DBH: variants seen among roughly 807,000 people sequenced by gnomAD.
DBH encodes dopamine beta-hydroxylase (dopamine beta-monooxygenase).
A neutral mutation model predicts 64.0 loss-of-function variants in DBH; 49 were observed. That is an observed-to-expected ratio of 0.77 (90% CI 0.61 to 0.97). The LOEUF is 0.97. DBH is among the 50% of genes least tolerant of loss of function. The pLI, the probability that DBH is intolerant of heterozygous loss-of-function variation, is 0.00. For missense variants in DBH, 828 were observed against 826.6 expected (o/e 1.00, Z -0.02); for synonymous variants, 343 against 347.1 (o/e 0.99, Z 0.13).
chr9:133,637,958 G>A (rs1317677045), intron 1 of DBH, among the ~76,000 whole-genome samples: 3 of 152,260 alleles, frequency 2.0e-5, no homozygotes, highest in Non-Finnish European at 4.4e-5. Flanking sequence ...GCCGTCAGCC[G>A]TCTGGAGGAG....
At chr9:133,655,725 C>T (rs1476593960) in intron 9 of DBH, 4 of 152,324 alleles carry the variant, frequency 2.6e-5, no homozygotes, top group South Asian at 2.1e-4. Flanking sequence ...CAAGGGTGGC[C>T]AGGGCGTCAT....
At chr9:133,644,591 T>C in intron 5 of DBH, among the ~76,000 whole-genome samples, 1 of 152,366 alleles carries the variant, frequency 6.6e-6, no homozygotes, top group Non-Finnish European at 1.5e-5. Flanking sequence ...TAATACGGGC[T>C]GCCATCGGCG....
At chr9:133,641,707 C>A (rs572298097) in intron 2 of DBH, among the ~76,000 whole-genome samples, 2 of 152,184 alleles carry the variant, frequency 1.3e-5, no homozygotes, top group Non-Finnish European at 2.9e-5. Context: ...CTGCTTGGTC[C>A]CCTCCTGCCA....
rs150202872 is a variant in DBH at position 133,657,153 on chromosome 9, G to T, written c.1646G>T (p.Arg549Leu). The change falls in exon 11 of 12, where the codon CGC becomes CTC. Residue 549 changes from arginine (R) to leucine (L), a missense_variant. Physicochemically the swap from Arg to Leu is moderately radical, Grantham distance 102. Transcript: ENST00000393056. ...FTSVPWNSFN[R>L]DVLKALYSFA... ...TCTGTTCCCTGGAACTCCTTCAACCGCGACGTACTGAAGGCCCTGTACAGC... is the reference window on the plus strand; with the variant it reads ...TCTGTTCCCTGGAACTCCTTCAACCTCGACGTACTGAAGGCCCTGTACAGC... 1.2e-5 allele frequency: 20 copies of T among 1,613,954 alleles called. No homozygotes were observed. In the African/African-American group the frequency reaches 2.7e-4, roughly 22 times the overall value.
Position 133,659,084 on chromosome 9 carries a change from G to C in DBH, c.*637G>C, listed in dbSNP as rs1040686408. 6.6e-6 allele frequency: 1 copy of C among 152,218 alleles called. No homozygotes were observed. The highest frequency in any genetic ancestry group is 1.5e-5 in the Non-Finnish European group (1 of 68,072). 9.4% of individuals were successfully genotyped at this position (152,218 alleles called of 1,614,324 possible). On this transcript the variant is annotated 3_prime_UTR_variant, in exon 12 of 12. Transcript: ENST00000393056. ...AAAGACGAGGCGGCAAAGATCCAGC[G>C]GGGCTTCTGGGCGCCGGTTCCACGT... is the stretch of plus-strand genomic sequence containing the variant.
chr9:133,638,825 C>A (rs958819988), intron 1 of DBH, among the ~76,000 whole-genome samples: 1 of 152,124 alleles, frequency 6.6e-6, no homozygotes, highest in Non-Finnish European at 1.5e-5. Context: ...CGAAGGGCAG[C>A]CTGCTTGTTG....
chr9:133,656,411 G>A, intron 9 of DBH, 112 bp from the exon 10 acceptor site: 1 of 1,458,654 alleles, frequency 6.9e-7, no homozygotes, highest in Non-Finnish European at 9.5e-7. Flanking sequence ...GCCTGGCACG[G>A]TGCAGTGAAC....
intron 5 of DBH, 118 bp from the exon 6 acceptor site, chr9:133,647,728 G>C: frequency 7.9e-7 from 1 of 1,271,236 alleles, no homozygotes; most frequent in Non-Finnish European, 1.1e-6. Flanking sequence ...CAGATGGGGG[G>C]TGACCGGCCC....
chr9:133,651,979 T>C (rs1286144002), intron 7 of DBH, among the ~76,000 whole-genome samples: 1 of 151,600 alleles, frequency 6.6e-6, no homozygotes. Flanking sequence ...CTCTGGCACA[T>C]GGCAGATGGT....
At chr9:133,651,831 C>T (rs538261379) in intron 7 of DBH, 54 bp downstream of exon 7, 1 of 1,482,324 alleles carries the variant, frequency 6.7e-7, no homozygotes, top group Non-Finnish European at 9.2e-7. Flanking sequence ...CACCACACGA[C>T]CTCCTGGGTC....
rs1832139349 is a variant in DBH, at chr9:133,643,345, G to C, written c.745-68G>C. On this transcript the variant is annotated intron_variant, in intron 3 of 11. Coordinates refer to ENST00000393056, the MANE Select transcript of DBH (RefSeq NM_000787.4). This position sits in a 1 kb window ranked among gnomAD's most constrained non-coding sequence, Gnocchi z 5.3. ...ACAGATGGGCATTCGGAAGCCCATG[G>C]AGGAGGGCTGCTGGGGAGGGGAGGG... 6.5e-7 allele frequency: 1 copy of C among 1,536,986 alleles called. No homozygotes were observed. Among genetic ancestry groups the C allele is most frequent in the Non-Finnish European group, 9.0e-7 (1 of 1,113,180 alleles).
At chr9:133,648,375 C>T (rs933024217) in intron 6 of DBH, among the ~76,000 whole-genome samples, 44 of 152,200 alleles carry the variant, frequency 2.9e-4, no homozygotes, top group African/African-American at 1.0e-3. Flanking sequence ...CATCCGCTGC[C>T]GCCTCCCCCT....
intron 2 of DBH, 36 bp downstream of exon 2, chr9:133,640,028 G>C: frequency 1.2e-6 from 2 of 1,612,522 alleles, no homozygotes; most frequent in Middle Eastern, 1.7e-4. Flanking sequence ...GAGGGCGTGG[G>C]CTGCGTGTAT....
Position 133,638,253 on chromosome 9 carries a change from G to A in DBH, c.339+1543G>A, listed in dbSNP as rs533048045. ...GATTTCCAGCTGAAATATCACAGGC[G>A]AACTTTCTGCCTCTGTTTAAAATGA... On this transcript the variant is annotated intron_variant, in intron 1 of 11. Transcript: ENST00000393056. 4.6e-5 allele frequency among the ~76,000 whole-genome samples: 7 copies of A among 152,316 alleles called. No individual in the cohort carries two copies. In the South Asian group the frequency reaches 1.2e-3, roughly 27 times the overall value.
rs757140366 is a variant in DBH at position 133,643,363 on chromosome 9, G to T, written c.745-50G>T. Reference sequence around the variant, plus strand: ...GCCCATGGAGGAGGGCTGCTGGGGAGGGGAGGGTGGGCGGCCGGTTCCCGG... The same window carrying T: ...GCCCATGGAGGAGGGCTGCTGGGGATGGGAGGGTGGGCGGCCGGTTCCCGG... On this transcript the variant is annotated intron_variant, in intron 3 of 11. Coordinates refer to ENST00000393056, the MANE Select transcript of DBH (RefSeq NM_000787.4). This position sits in a 1 kb window ranked among gnomAD's most constrained non-coding sequence, Gnocchi z 5.3. 1 of 1,602,358 alleles carries T rather than the reference G, an allele frequency of 6.2e-7. No homozygotes were observed. Among genetic ancestry groups the T allele is most frequent in the Non-Finnish European group, 8.5e-7 (1 of 1,170,726 alleles).
chr9:133,639,937 C>A lies in DBH; in HGVS notation c.431C>A (p.Thr144Asn). 6.2e-7 allele frequency: 1 copy of A among 1,613,904 alleles called. No individual in the cohort carries two copies. The highest frequency in any genetic ancestry group is 8.5e-7 in the Non-Finnish European group (1 of 1,179,990). The change falls in exon 2 of 12, where the codon ACC becomes AAC. Residue 144 changes from threonine (T) to asparagine (N), a missense_variant. Coordinates refer to ENST00000393056, the MANE Select transcript of DBH (RefSeq NM_000787.4). ...GTGCAGAGGACCCCAGAAGGCCTGACCCTGCTTTTCAAGAGGCCCTTTGGC... is the reference window on the plus strand; with the variant it reads ...GTGCAGAGGACCCCAGAAGGCCTGAACCTGCTTTTCAAGAGGCCCTTTGGC... ...LQVQRTPEGLTLLFKRPFGTC... is the reference protein window; with the variant it reads ...LQVQRTPEGLNLLFKRPFGTC...
At chr9:133,650,588 C>T (rs1444637824) in intron 6 of DBH, among the ~76,000 whole-genome samples, 2 of 127,384 alleles carry the variant, frequency 1.6e-5, no homozygotes, top group African/African-American at 5.9e-5. Context: ...GCTCCTGTTG[C>T]CCAGGCTGCA....
intron 3 of DBH, among the ~76,000 whole-genome samples, 158 bp downstream of exon 3, chr9:133,642,622 G>C (rs1484639123): frequency 6.6e-6 from 1 of 152,144 alleles, no homozygotes; most frequent in Non-Finnish European, 1.5e-5. Flanking sequence ...GGAGCAGCAA[G>C]TGGTCTTGGC....
At position 133,636,495 on chromosome 9, in the gene DBH, C is replaced by T. The variant is rs1832054060; in HGVS notation, c.124C>T (p.Pro42Ser). 6.2e-6 allele frequency: 10 copies of T among 1,613,340 alleles called. No individual in the cohort carries two copies. The East Asian group carries it at 2.2e-4, about 36-fold the overall frequency. The change falls in exon 1 of 12, where the codon CCC becomes TCC. Residue 42 changes from proline (P) to serine (S), a missense_variant. Pro to Ser is a moderately conservative substitution (Grantham distance 74, BLOSUM62 -1). Coordinates refer to ENST00000393056, the MANE Select transcript of DBH (RefSeq NM_000787.4). ...ILVAALQGSA[P>S]RESPLPYHIP... ...GGTGGCCGCACTGCAGGGCTCGGCT[C>T]CCCGTGAGAGCCCCCTCCCCTATCA...
Sources: allele counts gnomAD v4.1 joint callset (sites outside exome capture counted in the v4.1 genomes callset), GRCh38; gene constraint gnomAD v4.1.1; non-coding constraint Gnocchi (gnomAD v3.1); transcripts MANE v1.5; gene names NCBI Gene and HGNC (gene_info 2026-07-23, HGNC 2026-07-21).